The following ARSL variants were observed in gnomAD, a reference collection of about 807,000 sequenced individuals.
ARSL encodes arylsulfatase E (chondrodysplasia punctata 1).
In ARSL, 4 loss-of-function variants were observed where a neutral mutation model predicts 31.1. That is an observed-to-expected ratio of 0.13 (90% CI 0.06 to 0.29). The LOEUF (loss-of-function observed/expected upper bound fraction) is 0.29, where lower values mean the gene tolerates loss of function less well. Among genes scored for constraint, ARSL ranks in the 10% least tolerant of loss-of-function variants. ARSL has a pLI of 1.00. For missense variants in ARSL, 312 were observed against 497.8 expected (o/e 0.63, Z 3.55); for synonymous variants, 198 against 209.9 (o/e 0.94, Z 0.49).
chrX:2,954,931 C>T (rs1464365345), intron 4 of ARSL, among the ~76,000 whole-genome samples: 3 of 111,654 alleles, frequency 2.7e-5, no homozygotes, highest in Non-Finnish European at 3.8e-5. Context: ...GTACAATTTC[C>T]GTGGGCTTTC....
chrX:2,936,177 T>A (rs1229405300), intron 10 of ARSL, among the ~76,000 whole-genome samples: 1 of 110,004 alleles, frequency 9.1e-6, no homozygotes, highest in African/African-American at 3.3e-5. Flanking sequence ...CTACTAAAAA[T>A]ACAAGAAATT....
chrX:2,944,634 T>C (rs1448195840), intron 7 of ARSL, among the ~76,000 whole-genome samples: 1 of 109,520 alleles, frequency 9.1e-6, no homozygotes, highest in Non-Finnish European at 1.9e-5. Context: ...GATCCTGGGA[T>C]TCGCAGCCCA....
At chrX:2,959,830 A>G in intron 2 of ARSL, 1 of 740,861 alleles carries the variant, frequency 1.3e-6, no homozygotes, top group Non-Finnish European at 1.8e-6. Context: ...CCAAGGTGGG[A>G]GCATTGCCTG....
chrX:2,961,864 T>TG (rs1327275114), intron 1 of ARSL, among the ~76,000 whole-genome samples: 20 of 109,507 alleles, frequency 1.8e-4, no homozygotes, highest in African/African-American at 6.6e-4. Flanking sequence ...CAGGGTTTTT[T>TG]TTTTTTTTTT....
chrX:2,965,336 G>A (rs5982947), upstream of ARSL, among the ~76,000 whole-genome samples: 11,924 of 103,908 alleles, frequency 0.11, 1,709 homozygotes, highest in African/African-American at 0.39. Flanking sequence ...CCCTGTCTCT[G>A]CTAAAAATAG....
intron 8 of ARSL, 47 bp from the exon 9 acceptor site, chrX:2,938,304 G>T (rs2089232703): frequency 2.5e-6 from 3 of 1,193,628 alleles, no homozygotes; most frequent in Non-Finnish European, 3.4e-6. Flanking sequence ...ACCAGAAATA[G>T]ATGCTCAGCC....
At chrX:2,945,405 G>A (rs748355533) in intron 7 of ARSL, among the ~76,000 whole-genome samples, 10 of 111,712 alleles carry the variant, frequency 9.0e-5, no homozygotes, top group Admixed American at 3.8e-4. Flanking sequence ...ACTCTACAGC[G>A]GAGAGGAATT....
intron 5 of ARSL, among the ~76,000 whole-genome samples, chrX:2,951,614 CAAAAAAAAAAAAAAA>C (rs1164575386): frequency 6.9e-5 from 2 of 28,896 alleles, no homozygotes; most frequent in Non-Finnish European, 1.6e-4. Context: ...CCCATCTCTA[CAAAAAAAAAAAAAAA>C]AAAAAAGAAA....
chrX:2,935,682 CTTTTCTTTTCT>C (rs745306939), intron 10 of ARSL, among the ~76,000 whole-genome samples: 2 of 96,680 alleles, frequency 2.1e-5, no homozygotes, highest in African/African-American at 3.8e-5. Flanking sequence ...CTTTTCTTTT[CTTTTCTTTTCT>C]TTTTTTTTTT....
intron 8 of ARSL, among the ~76,000 whole-genome samples, chrX:2,941,467 C>G (rs2089281821): frequency 9.0e-6 from 1 of 110,659 alleles, no homozygotes; most frequent in Non-Finnish European, 1.9e-5. Context: ...GTTGGCCAGG[C>G]TGGTCTCGAA....
chrX:2,956,645 A>T (rs747463759), intron 3 of ARSL, among the ~76,000 whole-genome samples: 2 of 109,533 alleles, frequency 1.8e-5, no homozygotes, highest in African/African-American at 6.6e-5. Context: ...TATTTTTAGT[A>T]GAGACGGGGG....
At chrX:2,948,080 C>T (rs1301963636) in intron 6 of ARSL, among the ~76,000 whole-genome samples, 1 of 112,133 alleles carries the variant, frequency 8.9e-6, no homozygotes, top group African/African-American at 3.2e-5. Flanking sequence ...AAGATTGCAC[C>T]ACTGCAGTCC....
At chrX:2,964,903 G>A (rs1049043041), upstream of ARSL, among the ~76,000 whole-genome samples, 33 of 110,884 alleles carry the variant, frequency 3.0e-4, no homozygotes, top group African/African-American at 1.0e-3. Context: ...CCAGGACTTC[G>A]AGACCAGCCC....
At chrX:2,944,230 C>A (rs759730676) in intron 7 of ARSL, among the ~76,000 whole-genome samples, 1 of 108,517 alleles carries the variant, frequency 9.2e-6, no homozygotes, top group East Asian at 2.9e-4. Flanking sequence ...CTGAGGCGGG[C>A]GGATCACAAG....
At chrX:2,966,697 G>C (rs1484569321), upstream of ARSL, among the ~76,000 whole-genome samples, 1 of 107,945 alleles carries the variant, frequency 9.3e-6, no homozygotes, top group Non-Finnish European at 1.9e-5. Flanking sequence ...AAATATGCAT[G>C]CTTTTCTTTA....
At position 2,943,197 on chromosome X, in the gene ARSL, G is replaced by T. The variant is rs139875495; in HGVS notation, c.994C>A (p.Arg332=). The change falls in exon 8 of 11, where the codon CGG becomes AGG. Residue 332 remains arginine (R), a splice_region_variant and synonymous_variant. Transcript: ENST00000381134. ...NVEEMDWMVG[R]ILDTLDVEGL... is the part of the protein sequence containing the mutation. ...TCCACGTCCAAAGTGTCAAGGATCC[G>T]TCCTGCAAAGAACAGATGTTTTTGG... The T allele has an allele frequency of 1.7e-6, 2 of 1,210,355 alleles. No homozygotes were observed. The highest frequency in any genetic ancestry group is 2.2e-6 in the Non-Finnish European group (2 of 895,172).
intron 1 of ARSL, among the ~76,000 whole-genome samples, chrX:2,962,752 T>G (rs763600462): frequency 3.6e-5 from 4 of 111,722 alleles, no homozygotes; most frequent in Non-Finnish European, 7.5e-5. Context: ...CGCAAGTCAA[T>G]AAGCTAAAGG....
At chrX:2,960,510 T>TCCCC in intron 1 of ARSL, 90 bp from the exon 2 acceptor site, 2 of 884,384 alleles carry the variant, frequency 2.3e-6, no homozygotes, top group Non-Finnish European at 3.3e-6. Flanking sequence ...TAGGGGAACT[T>TCCCC]TGATTCCCGT....
In ARSL at chrX:2,934,568, G is replaced by A. The variant is rs781634030; in HGVS notation, c.*264C>T. ...ATAGCTCAGTACAGCCTCCAACTCC[G>A]GTGCTCAAATGATCCTCCTGCCTTA... On this transcript the variant is annotated 3_prime_UTR_variant, in exon 11 of 11. Transcript: ENST00000381134. 4 of 334,979 alleles carry A rather than the reference G, an allele frequency of 1.2e-5. No homozygotes were observed. In the East Asian group the frequency reaches 1.4e-4, roughly 12 times the overall value. The allele number at this position is 334,979 out of a possible 1,213,427, so 27.6% of individuals were successfully genotyped here. A position where few individuals can be genotyped will look rare whatever the true frequency, so the allele number is the denominator to read the frequency against.
Sources: gnomAD v4.1 joint callset for allele counts (sites outside exome capture counted in the v4.1 genomes callset) on GRCh38, gnomAD v4.1.1 for gene constraint, MANE v1.5 for transcripts, NCBI Gene and HGNC (gene_info 2026-07-23, HGNC 2026-07-21) for gene names.